The following RBFOX2 variants were observed in gnomAD, a reference collection of about 807,000 sequenced individuals.
RBFOX2 encodes the protein RNA binding protein fox-1 homolog 2.
In RBFOX2, 10 loss-of-function variants were observed where a neutral mutation model predicts 49.1. The observed-to-expected ratio is 0.20, with a 90% CI of 0.13 to 0.35. The LOEUF is 0.35. Ranked by LOEUF, RBFOX2 falls within the 10% of genes least tolerant of loss-of-function variation. RBFOX2 has a pLI of 1.00. For synonymous variants in RBFOX2, 183 were observed against 187.4 expected (o/e 0.98, Z 0.19); for missense variants, 323 against 486.9 (o/e 0.66, Z 3.17).
chr22:35,924,502 C>T (rs886245450), intron 1 of RBFOX2, among the ~76,000 whole-genome samples: 3 of 152,198 alleles, frequency 2.0e-5, no homozygotes, highest in African/African-American at 7.2e-5. Context: ...CTTGACCAAA[C>T]CCATTAAACT....
chr22:35,916,637 T>G (rs1428957867), intron 1 of RBFOX2, among the ~76,000 whole-genome samples: 2 of 152,120 alleles, frequency 1.3e-5, no homozygotes, highest in African/African-American at 4.8e-5. Flanking sequence ...AGCTCATGCC[T>G]GTAATCCCAA....
At chr22:35,885,843 AT>A (rs538674450) in intron 1 of RBFOX2, among the ~76,000 whole-genome samples, 3,251 of 83,000 alleles carry the variant, frequency 0.039, 8 homozygotes, top group African/African-American at 0.07. Flanking sequence ...CCCAAACCTA[AT>A]TTTTTTTTTT....
intron 2 of RBFOX2, among the ~76,000 whole-genome samples, chr22:35,797,799 T>C (rs910282213): frequency 1.3e-5 from 2 of 152,224 alleles, no homozygotes; most frequent in Non-Finnish European, 2.9e-5. Flanking sequence ...GCCAGTGATC[T>C]GTGGACCACA....
chr22:35,831,452 A>T (rs1956787621), intron 1 of RBFOX2, among the ~76,000 whole-genome samples: 1 of 152,190 alleles, frequency 6.6e-6, no homozygotes, highest in African/African-American at 2.4e-5. Context: ...ATAATAATAA[A>T]TTAAAAATAA....
At chr22:35,756,263 A>G in intron 9 of RBFOX2, 119 bp from the exon 11 acceptor site, 1 of 838,988 alleles carries the variant, frequency 1.2e-6, no homozygotes, top group Non-Finnish European at 1.6e-6. Flanking sequence ...GTATGAATAC[A>G]TAACCTGGGC....
chr22:35,809,907 T>C, exon 2 of RBFOX2: 1 of 1,614,024 alleles, frequency 6.2e-7, no homozygotes, highest in Non-Finnish European at 8.5e-7. Context: ...TGGCACCCCA[T>C]ACTCTGTGGG....
chr22:35,809,667 A>T (rs1951450069), intron 2 of RBFOX2, 113 bp downstream of exon 3: 1 of 1,139,112 alleles, frequency 8.8e-7, no homozygotes, highest in Middle Eastern at 2.9e-4. Context: ...TGTAAATGAG[A>T]ACAGGTGTAA....
chr22:35,976,256 C>T (rs1332515621), intron 1 of RBFOX2, among the ~76,000 whole-genome samples: 3 of 152,156 alleles, frequency 2.0e-5, no homozygotes, highest in Non-Finnish European at 4.4e-5. Context: ...CTATTTTACA[C>T]AATTCTAGTA....
exon 12 of RBFOX2, chr22:35,741,519 G>A (rs1489121417): frequency 6.6e-6 from 1 of 152,518 alleles, no homozygotes; most frequent in Non-Finnish European, 1.5e-5. Flanking sequence ...CGGGGAGGTT[G>A]ATACTGTGAA....
intron 1 of RBFOX2, among the ~76,000 whole-genome samples, chr22:35,893,819 G>A (rs944383530): frequency 5.3e-5 from 8 of 152,010 alleles, no homozygotes; most frequent in Non-Finnish European, 1.2e-4. Flanking sequence ...TGTTAGCCAA[G>A]TAGGTTCCTG....
chr22:35,927,604 C>CAAAAAAAA (rs361700), intron 1 of RBFOX2, among the ~76,000 whole-genome samples: 1 of 49,182 alleles, frequency 2.0e-5, no homozygotes, highest in African/African-American at 7.5e-5. Flanking sequence ...AACTCCGTCT[C>CAAAAAAAA]AAAAAAAAAA....
At chr22:35,978,316 G>A (rs975170391) in intron 1 of RBFOX2, among the ~76,000 whole-genome samples, 11 of 152,086 alleles carry the variant, frequency 7.2e-5, no homozygotes, top group East Asian at 3.9e-4. Flanking sequence ...GTATATATAC[G>A]TATATAGCAC....
intron 1 of RBFOX2, among the ~76,000 whole-genome samples, chr22:35,906,307 T>C (rs971304361): frequency 8.5e-5 from 13 of 152,202 alleles, no homozygotes; most frequent in African/African-American, 2.4e-4. Context: ...CTTTTCACGA[T>C]ATGACCATTT....
At chr22:36,028,358 T>A in exon 1 of RBFOX2, 1 of 1,413,482 alleles carries the variant, frequency 7.1e-7, no homozygotes, top group Non-Finnish European at 9.2e-7. Flanking sequence ...CGACTCCCGC[T>A]TCATGCCCCG....
chr22:35,979,013 C>A (rs2057331805), intron 1 of RBFOX2, among the ~76,000 whole-genome samples: 1 of 152,086 alleles, frequency 6.6e-6, no homozygotes, highest in East Asian at 1.9e-4. Flanking sequence ...TGTGGAGAAA[C>A]CTGGCAGACA....
At chr22:35,850,886 G>A (rs970780932) in intron 1 of RBFOX2, among the ~76,000 whole-genome samples, 5 of 152,146 alleles carry the variant, frequency 3.3e-5, no homozygotes, top group Non-Finnish European at 2.9e-5. Context: ...TTGATCCTAC[G>A]AAATCTTCTA....
At chr22:35,843,996 T>C (rs1014083742), upstream of RBFOX2, among the ~76,000 whole-genome samples, 9 of 152,234 alleles carry the variant, frequency 5.9e-5, no homozygotes, top group Non-Finnish European at 1.3e-4. Context: ...CCCACATTTC[T>C]ATTTTTGAGC....
In RBFOX2 at chr22:35,753,771, C is replaced by CTTTTT. The variant is rs869178693; in HGVS notation, c.887+6112_887+6116dup. Reference sequence around the variant, plus strand: ...CTTAACAAGTTTGAAGTAGACAAGTCTTTTTTTTTTTTTTTTTTTTTTTTT... The same window carrying CTTTTT: ...CTTAACAAGTTTGAAGTAGACAAGTCTTTTTTTTTTTTTTTTTTTTTTTTTTTTTT... On this transcript the variant is annotated intron_variant, in intron 9 of 11. Transcript: ENST00000405409. 1.8e-4 allele frequency among the ~76,000 whole-genome samples: 10 copies of CTTTTT among 54,504 alleles called. 2 individuals are homozygous for CTTTTT. The highest frequency in any genetic ancestry group is 2.5e-4 in the Non-Finnish European group (7 of 28,454). 35.8% of individuals were successfully genotyped at this position (54,504 alleles called of 152,430 possible).
intron 1 of RBFOX2, among the ~76,000 whole-genome samples, chr22:35,958,317 A>C (rs2055821239): frequency 6.6e-6 from 1 of 152,176 alleles, no homozygotes; most frequent in African/African-American, 2.4e-5. Flanking sequence ...GATCATGTCT[A>C]CACCTTGCAA....
Sources: gnomAD v4.1 joint callset for allele counts (sites outside exome capture counted in the v4.1 genomes callset) on GRCh38, gnomAD v4.1.1 for gene constraint, MANE v1.5 for transcripts, NCBI Gene and HGNC (gene_info 2026-07-23, HGNC 2026-07-21) for gene names.